EGFR: variants seen among roughly 807,000 people sequenced by gnomAD.
The protein encoded by EGFR is avian erythroblastic leukemia viral (v-erb-b) oncogene homolog.
A neutral mutation model predicts 143.0 loss-of-function variants in EGFR; 58 were observed. The ratio of observed to expected loss-of-function variants is 0.41; its 90% CI spans 0.33 to 0.50. The LOEUF is 0.50. Among genes scored for constraint, EGFR ranks in the 20% least tolerant of loss-of-function variants. The pLI, the probability that EGFR is intolerant of heterozygous loss-of-function variation, is 0.39. For missense variants in EGFR, 1,307 were observed against 1,579.0 expected (o/e 0.83, Z 2.92); for synonymous variants, 613 against 594.4 (o/e 1.03, Z -0.45).
At chr7:55,091,785 C>T (rs1264577533) in intron 1 of EGFR, among the ~76,000 whole-genome samples, 3 of 151,548 alleles carry the variant, frequency 2.0e-5, no homozygotes, top group African/African-American at 7.3e-5. Flanking sequence ...GACTCACACT[C>T]AGAGGATTTC....
At chr7:55,141,413 T>C (rs1794450314) in intron 1 of EGFR, among the ~76,000 whole-genome samples, 1 of 152,168 alleles carries the variant, frequency 6.6e-6, no homozygotes, top group African/African-American at 2.4e-5. Flanking sequence ...TGGATTAAGT[T>C]TGATGCCTTG....
intron 24 of EGFR, chr7:55,200,693 A>G (rs1787808833): frequency 3.7e-6 from 2 of 541,144 alleles, no homozygotes; most frequent in South Asian, 4.0e-5. Flanking sequence ...AGCTGGGTCT[A>G]AGAGAGAAGC....
At chr7:55,146,925 G>A (rs1299286066) in intron 4 of EGFR, among the ~76,000 whole-genome samples, 185 bp downstream of exon 4, 1 of 152,158 alleles carries the variant, frequency 6.6e-6, no homozygotes, top group East Asian at 1.9e-4. Flanking sequence ...GTTTTTTTGT[G>A]GCGGGTGGCA....
chr7:55,063,538 A>G (rs1459068021), intron 1 of EGFR, among the ~76,000 whole-genome samples: 1 of 152,212 alleles, frequency 6.6e-6, no homozygotes, highest in East Asian at 1.9e-4. Flanking sequence ...TCATGGAAAA[A>G]GTTCTCTTCC....
chr7:55,159,956 C>T (rs1442840389), intron 11 of EGFR, among the ~76,000 whole-genome samples, 183 bp from the exon 12 acceptor site: 1 of 152,208 alleles, frequency 6.6e-6, no homozygotes, highest in Non-Finnish European at 1.5e-5. Flanking sequence ...TATCTTTTGC[C>T]TGGAGGAACT....
chr7:55,143,908 C>T (rs968321661), intron 3 of EGFR, among the ~76,000 whole-genome samples: 11 of 152,078 alleles, frequency 7.2e-5, no homozygotes, highest in Non-Finnish European at 1.0e-4. Flanking sequence ...TTTCGAGAGT[C>T]GCGCTGCTAC....
chr7:55,042,407 A>G (rs1035049098), intron 1 of EGFR, among the ~76,000 whole-genome samples: 6 of 152,218 alleles, frequency 3.9e-5, no homozygotes, highest in African/African-American at 1.4e-4. Context: ...GTGCTAAATG[A>G]GGAACTACTT....
intron 1 of EGFR, among the ~76,000 whole-genome samples, chr7:55,098,076 C>G (rs1012430734): frequency 6.6e-6 from 1 of 152,192 alleles, no homozygotes; most frequent in Admixed American, 6.5e-5. Context: ...TCCATATTTC[C>G]TCTCATACAG....
intron 1 of EGFR, among the ~76,000 whole-genome samples, chr7:55,083,676 T>C (rs954192122): frequency 1.3e-5 from 2 of 152,244 alleles, no homozygotes; most frequent in Admixed American, 1.3e-4. Flanking sequence ...AGAAAGCGAA[T>C]CTTTTTCTTC....
At chr7:55,051,451 C>A (rs1312412984) in intron 1 of EGFR, among the ~76,000 whole-genome samples, 3 of 151,954 alleles carry the variant, frequency 2.0e-5, no homozygotes, top group Non-Finnish European at 4.4e-5. Context: ...TTGAGTGCAG[C>A]CCCCTCTTGC....
At chr7:55,092,368 A>C (rs1310576978) in intron 1 of EGFR, among the ~76,000 whole-genome samples, 1 of 152,112 alleles carries the variant, frequency 6.6e-6, no homozygotes, top group Non-Finnish European at 1.5e-5. Flanking sequence ...CTTTGGCAAG[A>C]TTTGCATCAG....
intron 1 of EGFR, among the ~76,000 whole-genome samples, chr7:55,082,859 C>T (rs188033529): frequency 6.6e-6 from 1 of 152,342 alleles, no homozygotes; most frequent in Admixed American, 6.5e-5. Flanking sequence ...TCTCTGAAAC[C>T]TGCTGAGGAT....
intron 3 of EGFR, among the ~76,000 whole-genome samples, chr7:55,145,097 G>A (rs766359116): frequency 5.9e-5 from 9 of 152,150 alleles, no homozygotes; most frequent in East Asian, 1.9e-4. Context: ...CTAAGCCACC[G>A]GGAAGCGGCT....
At chr7:55,019,870 A>G (rs1583838463) in intron 1 of EGFR, among the ~76,000 whole-genome samples, 1 of 152,148 alleles carries the variant, frequency 6.6e-6, no homozygotes, top group Admixed American at 6.5e-5. Context: ...ACCCAAAAAT[A>G]CAGCCTCCCC....
chr7:55,064,732 T>C (rs1789400372), intron 1 of EGFR, among the ~76,000 whole-genome samples: 1 of 152,186 alleles, frequency 6.6e-6, no homozygotes, highest in African/African-American at 2.4e-5. Context: ...TTCTTAACAA[T>C]ACAAGGATGG....
chr7:55,095,482 C>T (rs1204359228), intron 1 of EGFR, among the ~76,000 whole-genome samples: 1 of 152,232 alleles, frequency 6.6e-6, no homozygotes. Flanking sequence ...GAGAGACAGT[C>T]CTGGTTCAAC....
intron 22 of EGFR, among the ~76,000 whole-genome samples, chr7:55,193,135 T>G (rs893040881): frequency 5.3e-5 from 8 of 152,124 alleles, no homozygotes; most frequent in Non-Finnish European, 1.0e-4. Context: ...AACCAAACTT[T>G]AACGTTAACC....
intron 12 of EGFR, among the ~76,000 whole-genome samples, chr7:55,160,582 T>C (rs1383643010): frequency 6.6e-6 from 1 of 152,240 alleles, no homozygotes; most frequent in Non-Finnish European, 1.5e-5. Context: ...ATTTGTAATG[T>C]AAGTAACTAA....
intron 23 of EGFR, among the ~76,000 whole-genome samples, chr7:55,199,651 G>A (rs1236672739): frequency 6.6e-6 from 1 of 152,360 alleles, no homozygotes; most frequent in Admixed American, 6.5e-5. Flanking sequence ...GATCCCTCAA[G>A]AGGCATGAGG....
Sources: gnomAD v4.1 joint callset for allele counts (sites outside exome capture counted in the v4.1 genomes callset) on GRCh38, gnomAD v4.1.1 for gene constraint, MANE v1.5 for transcripts, NCBI Gene and HGNC (gene_info 2026-07-23, HGNC 2026-07-21) for gene names.